MGMT: variants seen among roughly 807,000 people sequenced by gnomAD.
The protein encoded by MGMT is methylated-DNA--protein-cysteine methyltransferase.
A neutral mutation model predicts 15.9 loss-of-function variants in MGMT; 14 were observed. The ratio of observed to expected loss-of-function variants is 0.88; its 90% CI spans 0.58 to 1.37. The LOEUF (loss-of-function observed/expected upper bound fraction) is 1.37, where lower values mean the gene tolerates loss of function less well. Among genes scored for constraint, MGMT ranks in the 40% most tolerant of loss-of-function variants. The probability of loss-of-function intolerance (pLI) is 0.00; values close to 1 mark genes in which losing one functional copy is unlikely to be tolerated. For missense variants in MGMT, 282 were observed against 268.1 expected, an observed-to-expected ratio of 1.05 and a Z score of -0.36; for synonymous variants, 130 against 118.2, an observed-to-expected ratio of 1.10 and a Z score of -0.65.
rs556077828 is a variant in MGMT, at chr10:129,616,020, C to T, written c.125+79643C>T. 2.3e-3 allele frequency among the ~76,000 whole-genome samples: 357 copies of T among 152,166 alleles called. 1 individual carries two copies. The highest frequency in any genetic ancestry group is 8.1e-3 in the African/African-American group (337 of 41,498). ...GGTGGGTCTTTGCCCATCCTCTGAT[C>T]GTATGTGTAGAAGTTTGCAACATGA... On this transcript the variant is annotated intron_variant, in intron 2 of 4. Coordinates refer to ENST00000651593, the MANE Select transcript of MGMT (RefSeq NM_002412.5).
intron 1 of MGMT, among the ~76,000 whole-genome samples, chr10:129,517,207 G>T (rs1249341791): frequency 6.6e-6 from 1 of 152,238 alleles, no homozygotes; most frequent in Non-Finnish European, 1.5e-5. Flanking sequence ...CCTGGACAGC[G>T]AGGGGCAGTC....
At chr10:129,732,305 AC>A (rs1360737990) in intron 3 of MGMT, among the ~76,000 whole-genome samples, 9 of 94,392 alleles carry the variant, frequency 9.5e-5, no homozygotes, top group African/African-American at 3.8e-4. Flanking sequence ...CCCTCCCCCA[AC>A]CCCCCACCCC....
rs1848947565 is a variant in MGMT at position 129,767,060 on chromosome 10, C to T, written c.*63C>T. Reference sequence around the variant, plus strand: ...GTGTAACACTGCATCGGATGCGGGGCGTGGAGGCACCGCTGTATTAAAGGA... The same window carrying T: ...GTGTAACACTGCATCGGATGCGGGGTGTGGAGGCACCGCTGTATTAAAGGA... On this transcript the variant is annotated 3_prime_UTR_variant, in exon 5 of 5. Transcript: ENST00000651593. 12 of 1,345,316 alleles carry T rather than the reference C, an allele frequency of 8.9e-6. No homozygotes were observed. Among genetic ancestry groups the T allele is most frequent in the Non-Finnish European group, 1.1e-5 (11 of 990,758 alleles). The allele number at this position is 1,345,316 out of a possible 1,614,324, so 83.3% of individuals were successfully genotyped here.
rs111703222 is a variant in MGMT at position 129,585,068 on chromosome 10, C to T, written c.125+48691C>T. 4.4e-3 allele frequency among the ~76,000 whole-genome samples: 667 copies of T among 152,306 alleles called. 3 individuals carry two copies. The highest frequency in any genetic ancestry group is 0.015 in the African/African-American group (632 of 41,564). On this transcript the variant is annotated intron_variant, in intron 2 of 4. Coordinates refer to ENST00000651593, the MANE Select transcript of MGMT (RefSeq NM_002412.5). Reference sequence around the variant, plus strand: ...AAAAACTTATGGTTTTCTAATACAGCTGCCCCATTTTACATTCCTGCCAGC... The same window carrying T: ...AAAAACTTATGGTTTTCTAATACAGTTGCCCCATTTTACATTCCTGCCAGC...
At position 129,730,303 on chromosome 10, in the gene MGMT, ACT is replaced by A. The variant is rs1266458085; in HGVS notation, c.274+22263_274+22264del. On this transcript the variant is annotated intron_variant, in intron 3 of 4. Transcript: ENST00000651593. ...ACGTGAACTGATGCTGGCCCTAATGACTCTGGGCAAGACGAGGGACATTATTG... is the reference window on the plus strand; with the variant it reads ...ACGTGAACTGATGCTGGCCCTAATGACTGGGCAAGACGAGGGACATTATTG... Among the ~76,000 whole-genome samples, 13 of 152,066 alleles carry A rather than the reference ACT, an allele frequency of 8.5e-5. No homozygotes were observed. The East Asian group carries it at 2.3e-3, about 27-fold the overall frequency.
chr10:129,766,401 G>A (rs55738920), intron 4 of MGMT, among the ~76,000 whole-genome samples: 6,753 of 152,294 alleles, frequency 0.044, 511 homozygotes, highest in African/African-American at 0.15. Context: ...TACCTGGGGA[G>A]TGTTTGAGAG....
chr10:129,733,520 T>C (rs1028660526), intron 3 of MGMT, among the ~76,000 whole-genome samples: 14 of 150,078 alleles, frequency 9.3e-5, no homozygotes, highest in Non-Finnish European at 1.6e-4. Flanking sequence ...GCCTGTTCAC[T>C]CTGATGGTAG....
intron 2 of MGMT, 67 bp from the exon 3 acceptor site, chr10:129,707,828 G>A (rs916130651): frequency 6.9e-6 from 11 of 1,599,526 alleles, no homozygotes; most frequent in Non-Finnish European, 8.5e-6. Flanking sequence ...TGCAGTAGGT[G>A]TTTGCTTTTC....
chr10:129,687,498 G>A (rs1199465457), intron 2 of MGMT, among the ~76,000 whole-genome samples: 2 of 152,144 alleles, frequency 1.3e-5, no homozygotes, highest in Admixed American at 6.5e-5. Flanking sequence ...GAATGCAAAG[G>A]CTTTTATAGG....
chr10:129,552,792 C>G (rs1846172513), intron 2 of MGMT, among the ~76,000 whole-genome samples: 1 of 152,254 alleles, frequency 6.6e-6, no homozygotes, highest in Non-Finnish European at 1.5e-5. Flanking sequence ...GAGTCAAGGG[C>G]ACGGAAGTGC....
intron 2 of MGMT, among the ~76,000 whole-genome samples, chr10:129,607,097 G>T (rs1846900536): frequency 6.6e-6 from 1 of 152,184 alleles, no homozygotes. Flanking sequence ...GGTAGGTGGA[G>T]ATGGCTTTGA....
intron 1 of MGMT, among the ~76,000 whole-genome samples, chr10:129,472,216 G>A (rs1425904126): frequency 5.3e-5 from 8 of 152,102 alleles, no homozygotes; most frequent in African/African-American, 1.4e-4. Flanking sequence ...GTGCCAGGCC[G>A]TGTGTGGGAG....
chr10:129,546,287 A>G (rs556877653), intron 2 of MGMT, among the ~76,000 whole-genome samples: 1 of 152,206 alleles, frequency 6.6e-6, no homozygotes, highest in African/African-American at 2.4e-5. Context: ...AGATTGGTGA[A>G]TTCCTCAAGA....
intron 2 of MGMT, among the ~76,000 whole-genome samples, chr10:129,581,230 A>G (rs897934616): frequency 5.9e-5 from 9 of 152,092 alleles, no homozygotes; most frequent in Non-Finnish European, 1.2e-4. Flanking sequence ...CTTTCATTCC[A>G]TCCGCTGTGG....
intron 3 of MGMT, among the ~76,000 whole-genome samples, chr10:129,715,946 T>C (rs542559570): frequency 3.3e-5 from 5 of 152,248 alleles, no homozygotes; most frequent in African/African-American, 1.2e-4. Flanking sequence ...AAGCAAATAT[T>C]TACGTAGAGG....
intron 2 of MGMT, among the ~76,000 whole-genome samples, chr10:129,609,947 C>A (rs1051525055): frequency 1.3e-5 from 2 of 152,090 alleles, no homozygotes; most frequent in African/African-American, 4.8e-5. Context: ...CATCGAGATG[C>A]CCAGTGACGT....
chr10:129,642,744 T>A (rs989857437), intron 2 of MGMT, among the ~76,000 whole-genome samples: 1 of 152,148 alleles, frequency 6.6e-6, no homozygotes, highest in African/African-American at 2.4e-5. Context: ...GTTCCTGGCC[T>A]GATTCAGGAT....
At chr10:129,501,573 A>G (rs73380818) in intron 1 of MGMT, among the ~76,000 whole-genome samples, 7,481 of 152,168 alleles carry the variant, frequency 0.049, 545 homozygotes, top group African/African-American at 0.16. Flanking sequence ...CATTTATTTG[A>G]TAAGTCAGTC....
At position 129,767,039 on chromosome 10, in the gene MGMT, AAC is replaced by A. The variant is rs757604331; in HGVS notation, c.*45_*46del. 4 of 1,503,458 alleles carry A rather than the reference AAC, an allele frequency of 2.7e-6. No homozygotes were observed. The South Asian group carries it at 3.9e-5, about 15-fold the overall frequency. 93.1% of individuals were successfully genotyped at this position (1,503,458 alleles called of 1,614,324 possible). ...GGATGTTTGAGCGACACACACGTGT[AAC>A]ACTGCATCGGATGCGGGGCGTGGAG... On this transcript the variant is annotated 3_prime_UTR_variant, in exon 5 of 5. Transcript: ENST00000651593.
Sources: allele counts gnomAD v4.1 joint callset (sites outside exome capture counted in the v4.1 genomes callset), GRCh38; gene constraint gnomAD v4.1.1; transcripts MANE v1.5; gene names NCBI Gene and HGNC (gene_info 2026-07-23, HGNC 2026-07-21).